Variants in TAGLN3 observed in about 807,000 individuals in gnomAD.
The protein encoded by TAGLN3 is transgelin 3, also known as transgelin-3.
A neutral mutation model predicts 25.4 loss-of-function variants in TAGLN3; 12 were observed. The observed-to-expected ratio is 0.47, with a 90% CI of 0.30 to 0.77. TAGLN3 has a LOEUF of 0.77. Among genes scored for constraint, TAGLN3 ranks in the 30% least tolerant of loss-of-function variants. The pLI is 0.06. For synonymous variants in TAGLN3, 96 were observed against 94.8 expected (o/e 1.01, Z -0.08); for missense variants, 218 against 255.8 (o/e 0.85, Z 1.01).
intron 3 of TAGLN3, among the ~76,000 whole-genome samples, chr3:112,009,325 A>G (rs1011814806): frequency 2.0e-5 from 3 of 152,208 alleles, no homozygotes; most frequent in African/African-American, 7.2e-5. Context: ...AACCTAGACA[A>G]AAACACTCAA....
In TAGLN3 at chr3:112,011,849, C is replaced by A; in HGVS notation, c.442C>A (p.Pro148Thr). 1 of 1,613,756 alleles carries A rather than the reference C, an allele frequency of 6.2e-7. No homozygotes were observed. The highest frequency in any genetic ancestry group is 1.7e-5 in the Admixed American group (1 of 59,996). ...TKDDGCYRGE[P>T]SWFHRKAQQN... ...GGATGATGGCTGCTATCGGGGAGAG[C>A]CATCCTGGTTTCACAGGTAAAAGCC... Residue 148 changes from proline to threonine, a missense_variant, in exon 4 of 5, where the codon CCA becomes ACA. By Grantham distance (38) the Pro-to-Thr change is conservative (BLOSUM62 -1). Transcript: ENST00000478951.
chr3:112,000,545 G>A (rs932064832), intron 2 of TAGLN3: 3 of 429,962 alleles, frequency 7.0e-6, no homozygotes, highest in Non-Finnish European at 8.3e-6. Flanking sequence ...CCAGGCTACA[G>A]GAATCTCTGT....
chr3:112,000,156 G>A (rs926987024), intron 2 of TAGLN3, among the ~76,000 whole-genome samples: 1 of 152,166 alleles, frequency 6.6e-6, no homozygotes, highest in Non-Finnish European at 1.5e-5. Flanking sequence ...AGGGCCGCAG[G>A]CTCTGTGATT....
chr3:112,012,814 C>T (rs528835911), intron 4 of TAGLN3, among the ~76,000 whole-genome samples: 9 of 152,182 alleles, frequency 5.9e-5, no homozygotes, highest in South Asian at 2.1e-4. Flanking sequence ...ATCTAGAGTG[C>T]GACATTTCCC....
intron 3 of TAGLN3, among the ~76,000 whole-genome samples, chr3:112,008,969 T>C (rs557550838): frequency 6.6e-6 from 1 of 152,156 alleles, no homozygotes; most frequent in South Asian, 2.1e-4. Flanking sequence ...TCAAGAAGCT[T>C]ACAATCATGG....
intron 3 of TAGLN3, among the ~76,000 whole-genome samples, chr3:112,009,762 GA>G (rs2072955588): frequency 6.6e-6 from 1 of 152,014 alleles, no homozygotes; most frequent in Non-Finnish European, 1.5e-5. Context: ...GTTTCTTAAG[GA>G]AAAAATTCCA....
intron 3 of TAGLN3, among the ~76,000 whole-genome samples, chr3:112,009,623 A>C (rs2072954073): frequency 6.6e-6 from 1 of 152,198 alleles, no homozygotes; most frequent in African/African-American, 2.4e-5. Flanking sequence ...GACTCTGGGC[A>C]TGTTAATTAA....
chr3:112,008,547 A>G (rs1285353893), intron 3 of TAGLN3, among the ~76,000 whole-genome samples: 1 of 152,070 alleles, frequency 6.6e-6, no homozygotes, highest in Non-Finnish European at 1.5e-5. Context: ...TATGCACTTA[A>G]ATTTTTGACC....
In TAGLN3 at chr3:111,999,575, T is replaced by A. The variant is rs1218669364; in HGVS notation, c.153T>A (p.His51Gln). The change falls in exon 2 of 5, where the codon CAT (histidine) becomes CAA (glutamine). Residue 51 changes from histidine (H) to glutamine (Q), a missense_variant. By Grantham distance (24) the His-to-Gln change is conservative. Coordinates refer to ENST00000478951, the MANE Select transcript of TAGLN3 (RefSeq NM_001008272.2). Reference protein sequence around the residue: ...DIEHPPPGRAHFQKWLMDGTV... With the variant: ...DIEHPPPGRAQFQKWLMDGTV... ...AGCACCCGCCCCCCGGCAGGGCCCA[T>A]TTTCAGAAATGGTTAATGGACGGGA... The A allele has an allele frequency of 1.9e-6, 3 of 1,613,860 alleles. No individual in the cohort carries two copies. Among genetic ancestry groups the A allele is most frequent in the Non-Finnish European group, 2.5e-6 (3 of 1,179,920 alleles).
intron 1 of TAGLN3, 107 bp downstream of exon 1, chr3:111,999,221 G>A (rs890772287): frequency 1.8e-6 from 1 of 561,588 alleles, no homozygotes; most frequent in Non-Finnish European, 3.1e-6. Flanking sequence ...CTGGCGGGTA[G>A]CTGTGCTTTT....
intron 3 of TAGLN3, among the ~76,000 whole-genome samples, chr3:112,011,507 A>T (rs569299843): frequency 1.1e-4 from 16 of 152,360 alleles, no homozygotes; most frequent in East Asian, 9.6e-4. Context: ...AGCAACTATG[A>T]ACGGATTAGA....
chr3:112,011,791 C>A lies in TAGLN3; in HGVS notation c.384C>A (p.Thr128=), dbSNP rs778183155. Residue 128 remains threonine (T), a synonymous_variant, in exon 4 of 5, where the codon ACC becomes ACA. Coordinates refer to ENST00000478951, the MANE Select transcript of TAGLN3 (RefSeq NM_001008272.2). ...EGKDMAAVQR[T]LMALGSVAVT... ...AGGACATGGCAGCTGTGCAGAGGAC[C>A]CTGATGGCTTTAGGCAGCGTTGCAG... 1 of 1,613,526 alleles carries A rather than the reference C, an allele frequency of 6.2e-7. No homozygotes were observed. The highest frequency in any genetic ancestry group is 1.7e-5 in the Admixed American group (1 of 59,984).
At chr3:112,010,175 T>G (rs1004618686) in intron 3 of TAGLN3, among the ~76,000 whole-genome samples, 4 of 152,026 alleles carry the variant, frequency 2.6e-5, no homozygotes, top group African/African-American at 9.7e-5. Context: ...TTAATAAAAC[T>G]TTGCTTCTTC....
At position 111,999,059 on chromosome 3, in the gene TAGLN3, G is replaced by C. The variant is rs1058062; in HGVS notation, c.-58G>C. On this transcript the variant is annotated 5_prime_UTR_variant, in exon 1 of 5. Coordinates refer to ENST00000478951, the MANE Select transcript of TAGLN3 (RefSeq NM_001008272.2). ...GCCTTTGCAAAGTGCTACTGAGAAG[G>C]GGGAAGAAACGTCCGCCACCCATCC... 0.24 allele frequency: 40,686 copies of C among 168,606 alleles called. 6,030 individuals carry two copies. Among genetic ancestry groups the C allele is most frequent in the Middle Eastern group, 0.32 (123 of 388 alleles). The allele number at this position is 168,606 out of a possible 1,614,324, so 10.4% of individuals were successfully genotyped here.
chr3:112,001,493 T>C (rs754025618), intron 3 of TAGLN3, among the ~76,000 whole-genome samples: 13 of 152,208 alleles, frequency 8.5e-5, no homozygotes, highest in Non-Finnish European at 1.8e-4. Context: ...TGAGGAAATC[T>C]TACAAAAGCA....
rs1186472803 is a variant in TAGLN3 at position 112,013,554 on chromosome 3, C to T, written c.*3C>T. ...GGATGCCCAGGCAGATCATGTAGGA[C>T]GCGGCATCCTGCCCCTGGTAGAGAG... On this transcript the variant is annotated 3_prime_UTR_variant, in exon 5 of 5. Transcript: ENST00000478951. 5 of 1,613,988 alleles carry T rather than the reference C, an allele frequency of 3.1e-6. No individual in the cohort carries two copies. Among genetic ancestry groups the T allele is most frequent in the Middle Eastern group, 1.6e-4 (1 of 6,084 alleles).
At chr3:111,999,864 T>C (rs2072836595) in intron 2 of TAGLN3, among the ~76,000 whole-genome samples, 1 of 152,228 alleles carries the variant, frequency 6.6e-6, no homozygotes, top group East Asian at 1.9e-4. Context: ...TTTTGATTTT[T>C]CTAATGAGAA....
chr3:112,004,688 T>A (rs774757), intron 3 of TAGLN3, among the ~76,000 whole-genome samples: 1 of 152,048 alleles, frequency 6.6e-6, no homozygotes, highest in Non-Finnish European at 1.5e-5. Context: ...TGGTTCATGA[T>A]GATAGTAGAA....
intron 3 of TAGLN3, among the ~76,000 whole-genome samples, chr3:112,001,694 G>A (rs552043001): frequency 6.6e-6 from 1 of 152,298 alleles, no homozygotes; most frequent in Admixed American, 6.5e-5. Flanking sequence ...GAGGCACCAA[G>A]AGATACCAAC....
Sources: allele counts gnomAD v4.1 joint callset (sites outside exome capture counted in the v4.1 genomes callset), GRCh38; gene constraint gnomAD v4.1.1; transcripts MANE v1.5; gene names NCBI Gene and HGNC (gene_info 2026-07-23, HGNC 2026-07-21).